The following RUSC2 variants were observed in gnomAD, a reference collection of about 807,000 sequenced individuals.
The protein encoded by RUSC2 is AP-4 complex accessory subunit RUSC2.
Under a neutral mutation model 122.2 loss-of-function variants are expected in RUSC2, and 34 were observed. That is an observed-to-expected ratio of 0.28 (90% CI 0.21 to 0.37). The LOEUF (loss-of-function observed/expected upper bound fraction) is 0.37. Among genes scored for constraint, RUSC2 ranks in the 10% least tolerant of loss-of-function variants. The pLI is 1.00. For synonymous variants in RUSC2, 784 were observed against 790.0 expected, an observed-to-expected ratio of 0.99 and a Z score of 0.13; for missense variants, 1,747 against 1,952.4, an observed-to-expected ratio of 0.89 and a Z score of 1.98.
chr9:35,490,962 C>T (rs1172660700), intron 1 of RUSC2, among the ~76,000 whole-genome samples: 1 of 152,078 alleles, frequency 6.6e-6, no homozygotes, highest in Non-Finnish European at 1.5e-5. Context: ...GGTGGAGGGT[C>T]TTCACTACCA....
intron 1 of RUSC2, among the ~76,000 whole-genome samples, chr9:35,526,579 A>G (rs1336002106): frequency 6.6e-6 from 1 of 152,196 alleles, no homozygotes; most frequent in African/African-American, 2.4e-5. Context: ...ACTCAAACAG[A>G]TATTACCTCA....
Position 35,548,763 on chromosome 9 carries a change from C to T in RUSC2, c.2014+228C>T. 1.0e-6 allele frequency: 1 copy of T among 984,116 alleles called. No homozygotes were observed. Among genetic ancestry groups the T allele is most frequent in the Non-Finnish European group, 1.2e-6 (1 of 828,766 alleles). The allele number at this position is 984,116 out of a possible 1,614,324, so 61.0% of individuals were successfully genotyped here. Reference sequence around the variant, plus strand: ...ACACTGAGCAGACTGGGTGCAGTGACTCACACCTGTGATCCCAGCCCTTTG... The same window carrying T: ...ACACTGAGCAGACTGGGTGCAGTGATTCACACCTGTGATCCCAGCCCTTTG... On this transcript the variant is annotated intron_variant, in intron 2 of 11. Transcript: ENST00000361226. This position sits in a 1 kb window ranked among gnomAD's most constrained non-coding sequence, Gnocchi z 4.5.
intron 1 of RUSC2, among the ~76,000 whole-genome samples, chr9:35,524,016 G>A (rs1389709244): frequency 6.6e-6 from 1 of 151,838 alleles, no homozygotes. Flanking sequence ...CAATGTAGAA[G>A]GAATAATAGA....
chr9:35,495,885 G>A (rs762993613), intron 1 of RUSC2, among the ~76,000 whole-genome samples: 2 of 152,024 alleles, frequency 1.3e-5, no homozygotes, highest in South Asian at 2.1e-4. Context: ...TTTCACTTCC[G>A]TGGTTAAGTT....
In RUSC2 at chr9:35,547,010, C is replaced by T. The variant is rs527890598; in HGVS notation, c.489C>T (p.Arg163=). 5 of 1,605,282 alleles carry T rather than the reference C, an allele frequency of 3.1e-6. No individual in the cohort carries two copies. In the South Asian group the frequency reaches 3.4e-5, roughly 11 times the overall value. The change falls in exon 2 of 12, where the codon CGC becomes CGT. Residue 163 remains arginine, a synonymous_variant. Coordinates refer to ENST00000361226, the MANE Select transcript of RUSC2 (RefSeq NM_014806.5). The surrounding 1 kb of genome is among the most constrained non-coding windows in gnomAD (Gnocchi z 4.6). The part of the protein sequence containing the change: ...PRVGRPWGTT[R]SRAGVVEGQE... ...TGGGCAGGCCATGGGGGACAACACG[C>T]AGTCGGGCTGGAGTGGTGGAAGGGC...
rs770377427 is a variant in RUSC2 at position 35,558,229 on chromosome 9, T to A, written c.3093T>A (p.Asn1031Lys). 1 of 1,613,932 alleles carries A rather than the reference T, an allele frequency of 6.2e-7. No homozygotes were observed. The highest frequency in any genetic ancestry group is 1.3e-5 in the African/African-American group (1 of 75,034). The change falls in exon 7 of 12, where the codon AAT (asparagine) becomes AAA (lysine). Residue 1031 changes from asparagine (N) to lysine (K), a missense_variant. Asn to Lys is a moderately conservative substitution (Grantham distance 94). Coordinates refer to ENST00000361226, the MANE Select transcript of RUSC2 (RefSeq NM_014806.5). The surrounding 1 kb of genome is among the most constrained non-coding windows in gnomAD (Gnocchi z 4.3). The part of the protein sequence containing the change: ...AKLGNSSVSP[N>K]VGHLVLKYLC... ...TGGGAAACAGTTCTGTGAGCCCCAA[T>A]GTGGGCCACCTGGTTCTGAAGTACT... is the stretch of plus-strand genomic sequence containing the variant.
Position 35,555,220 on chromosome 9 carries a change from C to T in RUSC2, c.2175C>T (p.Cys725=), listed in dbSNP as rs148215963. 93 of 1,613,054 alleles carry T rather than the reference C, an allele frequency of 5.8e-5. 1 individual carries two copies. The African/African-American group carries it at 1.2e-3, about 20-fold the overall frequency. The stretch of plus-strand genomic sequence containing the variant: ...CCCAGCTCTACAGCCTCTCAGGCTG[C>T]AGCCGTACACAGCAGCCTGCCCCAC... ...SLSQLYSLSG[C]SRTQQPAPLA... Residue 725 remains cysteine (C), a synonymous_variant, in exon 3 of 12, where the codon TGC becomes TGT. Transcript: ENST00000361226. This position sits in a 1 kb window ranked among gnomAD's most constrained non-coding sequence, Gnocchi z 4.6.
At chr9:35,518,422 C>G (rs1821150144) in intron 1 of RUSC2, among the ~76,000 whole-genome samples, 1 of 152,182 alleles carries the variant, frequency 6.6e-6, no homozygotes, top group Non-Finnish European at 1.5e-5. Context: ...AGCTAGTCTA[C>G]ATCTATTTAC....
Position 35,561,469 on chromosome 9 carries a change from G to A in RUSC2, c.*87G>A. ...CCCTTCCCAAGCCATTGGCTTGGCT[G>A]CAGAGTAGACTGAGAGCTGGGGCCA... On this transcript the variant is annotated 3_prime_UTR_variant, in exon 12 of 12. Transcript: ENST00000361226. The A allele has an allele frequency of 3.4e-6, 4 of 1,164,908 alleles. No homozygotes were observed. The highest frequency in any genetic ancestry group is 3.7e-6 in the Non-Finnish European group (3 of 815,640). 72.2% of individuals were successfully genotyped at this position (1,164,908 alleles called of 1,614,324 possible).
Position 35,515,868 on chromosome 9 carries a change from G to A in RUSC2, c.-93+25696G>A, listed in dbSNP as rs375120367. Among the ~76,000 whole-genome samples the A allele has an allele frequency of 3.7e-4, 56 of 151,330 alleles. No homozygotes were observed. In the South Asian group the frequency reaches 8.8e-3, roughly 24 times the overall value. ...TCAAAAATTAGCTGGGCATGGTGGC[G>A]CGCACCTCTAATCTCAGCTACTTGG... On this transcript the variant is annotated intron_variant, in intron 1 of 11. Coordinates refer to ENST00000361226, the MANE Select transcript of RUSC2 (RefSeq NM_014806.5).
At position 35,557,303 on chromosome 9, in the gene RUSC2, AG is replaced by A. The variant is rs1822043667; in HGVS notation, c.2984-608del. On this transcript the variant is annotated intron_variant, in intron 5 of 11. Transcript: ENST00000361226. This position sits in a 1 kb window ranked among gnomAD's most constrained non-coding sequence, Gnocchi z 4.6. ...TCAGGGAGAAAGAACCCGGGCAAGAAGGGAAACGGCCACCTTCCTCCAGGAC... is the reference window on the plus strand; with the variant it reads ...TCAGGGAGAAAGAACCCGGGCAAGAAGGAAACGGCCACCTTCCTCCAGGAC... Among the ~76,000 whole-genome samples the A allele has an allele frequency of 1.3e-5, 2 of 152,166 alleles. No homozygotes were observed. Among genetic ancestry groups the A allele is most frequent in the Non-Finnish European group, 2.9e-5 (2 of 68,028 alleles).
intron 1 of RUSC2, among the ~76,000 whole-genome samples, chr9:35,513,938 ATTAC>A (rs1264312193): frequency 1.5e-5 from 2 of 135,952 alleles, no homozygotes; most frequent in South Asian, 2.4e-4. Context: ...ATATATATAT[ATTAC>A]TTTATGTGTC....
chr9:35,523,785 A>C (rs894722408), intron 1 of RUSC2, among the ~76,000 whole-genome samples: 12 of 151,980 alleles, frequency 7.9e-5, no homozygotes, highest in Non-Finnish European at 1.3e-4. Flanking sequence ...ACTGCATTCC[A>C]GCCTGGGCAA....
Position 35,548,601 on chromosome 9 carries a change from T to C in RUSC2, c.2014+66T>C. 6.7e-7 allele frequency: 1 copy of C among 1,494,836 alleles called. No individual in the cohort carries two copies. Among genetic ancestry groups the C allele is most frequent in the Non-Finnish European group, 8.9e-7 (1 of 1,128,756 alleles). 92.6% of individuals were successfully genotyped at this position (1,494,836 alleles called of 1,614,324 possible). A position where few individuals can be genotyped will look rare whatever the true frequency, so the allele number is the denominator to read the frequency against. On this transcript the variant is annotated intron_variant, in intron 2 of 11. Transcript: ENST00000361226. This position sits in a 1 kb window ranked among gnomAD's most constrained non-coding sequence, Gnocchi z 4.5. ...AGCAGGATATGCATGGCCACCTCCC[T>C]GACAGGTCCCTGCCAGACCACCCCA...
chr9:35,526,672 A>G (rs1479158149), intron 1 of RUSC2, among the ~76,000 whole-genome samples: 1 of 152,190 alleles, frequency 6.6e-6, no homozygotes, highest in African/African-American at 2.4e-5. Flanking sequence ...CCAGAGCTTT[A>G]GGAAGCTAAG....
intron 1 of RUSC2, among the ~76,000 whole-genome samples, chr9:35,515,790 G>C (rs1821090396): frequency 6.6e-6 from 1 of 151,866 alleles, no homozygotes; most frequent in Non-Finnish European, 1.5e-5. Flanking sequence ...CTTGAGGCCA[G>C]GAAGTTGGGA....
chr9:35,535,815 C>G (rs146586701), intron 1 of RUSC2, among the ~76,000 whole-genome samples: 3,090 of 152,280 alleles, frequency 0.02, 102 homozygotes, highest in African/African-American at 0.068. Context: ...GCTGGGATTA[C>G]AGGCATGAGC....
At position 35,555,170 on chromosome 9, in the gene RUSC2, A is replaced by G. The variant is rs1371830857; in HGVS notation, c.2125A>G (p.Lys709Glu). The stretch of plus-strand genomic sequence containing the variant: ...GCACCACTTCCCCAAGCAGCTGGCC[A>G]AGGCCCGGGCCCTCCACAGCCTTTC... The part of the protein sequence containing the change: ...FQHHFPKQLA[K>E]ARALHSLSQL... The change falls in exon 3 of 12, where the codon AAG becomes GAG. Residue 709 changes from lysine (K) to glutamate (E), a missense_variant. By Grantham distance (56) the Lys-to-Glu change is moderately conservative. Transcript: ENST00000361226. The surrounding 1 kb of genome is among the most constrained non-coding windows in gnomAD (Gnocchi z 4.6). The G allele has an allele frequency of 2.5e-6, 4 of 1,613,470 alleles. No homozygotes were observed. Among genetic ancestry groups the G allele is most frequent in the African/African-American group, 1.3e-5 (1 of 74,852 alleles).
chr9:35,556,411 C>T lies in RUSC2; in HGVS notation c.2946C>T (p.Ser982=). 3.1e-6 allele frequency: 5 copies of T among 1,614,242 alleles called. No homozygotes were observed. Among genetic ancestry groups the T allele is most frequent in the Non-Finnish European group, 4.2e-6 (5 of 1,180,036 alleles). ...PAEFCLSPDG[S]SEAISIDLLQ... is the part of the protein sequence containing the mutation. ...AGTTTTGTCTGTCCCCAGATGGCAG[C>T]TCAGAGGCCATTTCCATTGACCTGC... The change falls in exon 5 of 12, where the codon AGC becomes AGT. Residue 982 remains serine (S), a synonymous_variant. Transcript: ENST00000361226.
Sources: allele counts gnomAD v4.1 joint callset (sites outside exome capture counted in the v4.1 genomes callset), GRCh38; gene constraint gnomAD v4.1.1; non-coding constraint Gnocchi (gnomAD v3.1); transcripts MANE v1.5; gene names NCBI Gene and HGNC (gene_info 2026-07-23, HGNC 2026-07-21).